TSPEAR: variants seen among roughly 807,000 people sequenced by gnomAD.
TSPEAR encodes thrombospondin-type laminin G domain and EAR repeat-containing protein.
A neutral mutation model predicts 71.6 loss-of-function variants in TSPEAR; 69 were observed. The observed-to-expected ratio is 0.96, with a 90% confidence interval of 0.79 to 1.18. The LOEUF (loss-of-function observed/expected upper bound fraction) is 1.18. Among genes scored for constraint, TSPEAR ranks in the 50% most tolerant of loss-of-function variants. The probability of loss-of-function intolerance (pLI) is 0.00; values close to 1 mark genes in which losing one functional copy is unlikely to be tolerated. For missense variants in TSPEAR, 971 were observed against 894.9 expected (o/e 1.09, Z -1.09); for synonymous variants, 402 against 387.2 (o/e 1.04, Z -0.45).
intron 1 of TSPEAR, among the ~76,000 whole-genome samples, chr21:44,600,072 G>A (rs1036116382): frequency 2.0e-5 from 3 of 152,176 alleles, no homozygotes; most frequent in African/African-American, 7.2e-5. Context: ...TTTGCCACTT[G>A]CTCTAAAGCC....
chr21:44,632,954 T>G (rs1569230641), intron 1 of TSPEAR, among the ~76,000 whole-genome samples: 1 of 152,252 alleles, frequency 6.6e-6, no homozygotes, highest in African/African-American at 2.4e-5. Flanking sequence ...ACATTATGAA[T>G]GTATTTAATA....
chr21:44,639,459 C>T (rs1983894530), intron 1 of TSPEAR, among the ~76,000 whole-genome samples: 1 of 152,224 alleles, frequency 6.6e-6, no homozygotes, highest in Admixed American at 6.5e-5. Flanking sequence ...CGCTCACTCC[C>T]CTCGAGGCAG....
At chr21:44,689,739 A>ATATATTTTTTTTTTTTTTT (rs1555949531) in intron 1 of TSPEAR, among the ~76,000 whole-genome samples, 1 of 128,170 alleles carries the variant, frequency 7.8e-6, no homozygotes, top group African/African-American at 3.2e-5. Context: ...ATATATATAT[A>ATATATTTTTTTTTTTTTTT]TTTTGGGGGG....
In TSPEAR at chr21:44,524,511, G is replaced by GCAGT. The variant is rs1212976781; in HGVS notation, c.1336+1138_1336+1141dup. 8.8e-5 allele frequency among the ~76,000 whole-genome samples: 13 copies of GCAGT among 148,532 alleles called. No individual in the cohort carries two copies. In the South Asian group the frequency reaches 2.0e-3, roughly 23 times the overall value. ...GGTAGTTAGTCAGGTAGTCAGTCAG[G>GCAGT]CAGTCAGTCAGTCAGACAAGTAGTC... is the stretch of plus-strand genomic sequence containing the variant. On this transcript the variant is annotated intron_variant, in intron 8 of 11. Coordinates refer to ENST00000323084, the MANE Select transcript of TSPEAR (RefSeq NM_144991.3).
At chr21:44,578,652 G>A (rs1159593522) in intron 1 of TSPEAR, among the ~76,000 whole-genome samples, 2 of 152,268 alleles carry the variant, frequency 1.3e-5, no homozygotes, top group Non-Finnish European at 2.9e-5. Context: ...GAACACCCAC[G>A]CCTTGACCCT....
At chr21:44,514,126 G>A (rs1019822400) in intron 9 of TSPEAR, among the ~76,000 whole-genome samples, 40 of 152,250 alleles carry the variant, frequency 2.6e-4, no homozygotes, top group African/African-American at 8.7e-4. Flanking sequence ...GAGCCCTCCC[G>A]CCCAGGCTCT....
chr21:44,584,382 T>C (rs1270507847), intron 1 of TSPEAR, among the ~76,000 whole-genome samples: 3 of 152,250 alleles, frequency 2.0e-5, no homozygotes, highest in African/African-American at 7.2e-5. Context: ...TTGTGACTAG[T>C]GCTGCAGTTA....
At chr21:44,669,523 G>T (rs1569249960) in intron 1 of TSPEAR, among the ~76,000 whole-genome samples, 2 of 152,224 alleles carry the variant, frequency 1.3e-5, no homozygotes, top group Admixed American at 6.5e-5. Context: ...GGGGGCAAGG[G>T]TGAGGGGTTG....
chr21:44,515,331 C>G (rs975974187), intron 9 of TSPEAR, among the ~76,000 whole-genome samples: 7 of 152,228 alleles, frequency 4.6e-5, no homozygotes, highest in Non-Finnish European at 1.0e-4. Flanking sequence ...CAGCGCCTTC[C>G]CAGGGCCCTC....
chr21:44,702,877 C>G (rs1178509189), intron 1 of TSPEAR: 1 of 725,602 alleles, frequency 1.4e-6, no homozygotes, highest in African/African-American at 1.7e-5. Context: ...AGCACACGCA[C>G]TAGTACACAC....
At chr21:44,602,579 G>A (rs1027728815) in intron 1 of TSPEAR, among the ~76,000 whole-genome samples, 5 of 152,182 alleles carry the variant, frequency 3.3e-5, no homozygotes, top group East Asian at 3.9e-4. Context: ...CCCCGGCCCC[G>A]CCTCACTGGG....
At chr21:44,551,884 G>A in intron 2 of TSPEAR, among the ~76,000 whole-genome samples, 1 of 152,206 alleles carries the variant, frequency 6.6e-6, no homozygotes, top group East Asian at 1.9e-4. Flanking sequence ...ACCTCACAGG[G>A]TGGGCTGGCG....
chr21:44,525,244 A>G (rs2052829936), intron 8 of TSPEAR, among the ~76,000 whole-genome samples: 1 of 152,190 alleles, frequency 6.6e-6, no homozygotes, highest in Admixed American at 6.5e-5. Context: ...GTAGTTAGTC[A>G]TGTAATTAGT....
At chr21:44,701,284 C>G (rs534081822) in intron 1 of TSPEAR, among the ~76,000 whole-genome samples, 1 of 152,116 alleles carries the variant, frequency 6.6e-6, no homozygotes, top group African/African-American at 2.4e-5. Context: ...TTCCTTCCAG[C>G]GACGTGAAAC....
intron 1 of TSPEAR, among the ~76,000 whole-genome samples, chr21:44,622,432 T>C (rs781969801): frequency 2.0e-5 from 3 of 152,222 alleles, no homozygotes; most frequent in Non-Finnish European, 4.4e-5. Flanking sequence ...AAAAAGTGAC[T>C]TATAAGAGTG....
intron 1 of TSPEAR, among the ~76,000 whole-genome samples, chr21:44,700,276 G>T (rs1330057791): frequency 6.6e-6 from 1 of 152,188 alleles, no homozygotes; most frequent in Non-Finnish European, 1.5e-5. Flanking sequence ...GAAGAAAAGG[G>T]CTGGCAGCAC....
chr21:44,524,542 G>C (rs920839790), intron 8 of TSPEAR, among the ~76,000 whole-genome samples: 4 of 151,782 alleles, frequency 2.6e-5, no homozygotes, highest in African/African-American at 9.7e-5. Flanking sequence ...TAGTCAGTAA[G>C]GTAACCAGTC....
chr21:44,540,328 G>T lies in TSPEAR; in HGVS notation c.304-6405C>A, dbSNP rs1601389417. ...AGCGTCCCCTTCCTGGTTGCTGAGA[G>T]GTGGCGTGTGTCATGACTAGGGATG... On this transcript the variant is annotated intron_variant, in intron 2 of 11. Coordinates refer to ENST00000323084, the MANE Select transcript of TSPEAR (RefSeq NM_144991.3). 6 of 1,038,180 alleles carry T rather than the reference G, an allele frequency of 5.8e-6. No homozygotes were observed. In the East Asian group the frequency reaches 1.3e-4, roughly 22 times the overall value. The allele number at this position is 1,038,180 out of a possible 1,614,324, so 64.3% of individuals were successfully genotyped here. A position where few individuals can be genotyped will look rare whatever the true frequency, so the allele number is the denominator to read the frequency against.
At chr21:44,639,008 G>A (rs1273253227) in intron 1 of TSPEAR, among the ~76,000 whole-genome samples, 1 of 152,128 alleles carries the variant, frequency 6.6e-6, no homozygotes, top group Non-Finnish European at 1.5e-5. Flanking sequence ...CAGCAGCCCA[G>A]TATTCATGGG....
Sources: allele counts gnomAD v4.1 joint callset (sites outside exome capture counted in the v4.1 genomes callset), GRCh38; gene constraint gnomAD v4.1.1; transcripts MANE v1.5; gene names NCBI Gene and HGNC (gene_info 2026-07-23, HGNC 2026-07-21).